Variants in GNPTAB observed in about 807,000 individuals in gnomAD.
GNPTAB encodes the protein N-acetylglucosamine-1-phosphotransferase subunits alpha/beta.
Under a neutral mutation model 136.6 loss-of-function variants are expected in GNPTAB, and 92 were observed. That is an observed-to-expected ratio of 0.67 (90% CI 0.57 to 0.80). The LOEUF (loss-of-function observed/expected upper bound fraction) is 0.80, where lower values mean the gene tolerates loss of function less well. Among genes scored for constraint, GNPTAB ranks in the 30% least tolerant of loss-of-function variants. The pLI, the probability that GNPTAB is intolerant of heterozygous loss-of-function variation, is 0.00. For missense variants in GNPTAB, 1,343 were observed against 1,501.8 expected (o/e 0.89, Z 1.75); for synonymous variants, 512 against 535.1 (o/e 0.96, Z 0.60).
At chr12:101,807,154 C>T (rs1205784744) in intron 1 of GNPTAB, among the ~76,000 whole-genome samples, 1 of 152,200 alleles carries the variant, frequency 6.6e-6, no homozygotes, top group African/African-American at 2.4e-5. Context: ...TAAAATCCTT[C>T]ACATCAACAA....
At chr12:101,760,165 A>T in intron 15 of GNPTAB, 22 bp from the exon 16 acceptor site, 1 of 1,360,694 alleles carries the variant, frequency 7.3e-7, no homozygotes, top group Non-Finnish European at 1.1e-6. Flanking sequence ...AAAGATGATA[A>T]ATCTGTTATG....
intron 2 of GNPTAB, chr12:101,796,414 AT>A (rs1296687038): frequency 7.7e-6 from 5 of 647,194 alleles, no homozygotes; most frequent in Admixed American, 2.3e-5. Context: ...TTTTAAAAAA[AT>A]ATCTTACGGA....
intron 1 of GNPTAB, among the ~76,000 whole-genome samples, chr12:101,799,390 C>T (rs1296874727): frequency 6.6e-6 from 1 of 152,184 alleles, no homozygotes; most frequent in African/African-American, 2.4e-5. Context: ...CAAAGAAAAT[C>T]ATCGATGAGA....
In GNPTAB at chr12:101,765,181, G is replaced by A. The variant is rs1489982100; in HGVS notation, c.1736C>T (p.Ala579Val). The A allele has an allele frequency of 4.3e-6, 7 of 1,614,088 alleles. No individual in the cohort carries two copies. The highest frequency in any genetic ancestry group is 5.9e-6 in the Non-Finnish European group (7 of 1,179,984). Residue 579 changes from alanine (A) to valine (V), a missense_variant, in exon 13 of 21, where the codon GCC becomes GTC. Coordinates refer to ENST00000299314, the MANE Select transcript of GNPTAB (RefSeq NM_024312.5). Reference sequence around the variant, plus strand: ...TCGAATTATTGGATTGTCACTATAGGCACCTTCAACTCCTCTTTTGGCTAC... The same window carrying A: ...TCGAATTATTGGATTGTCACTATAGACACCTTCAACTCCTCTTTTGGCTAC... ...AEVAKRGVEG[A>V]YSDNPIIRHA...
intron 15 of GNPTAB, 92 bp downstream of exon 15, chr12:101,761,035 G>A: frequency 1.1e-6 from 1 of 923,786 alleles, no homozygotes; most frequent in Non-Finnish European, 1.7e-6. Flanking sequence ...GCATCCCAAA[G>A]TGCTGGGATT....
At position 101,761,753 on chromosome 12, in the gene GNPTAB, G is replaced by C. The variant is rs1207898186; in HGVS notation, c.2726C>G (p.Ser909Ter). Reference protein sequence around the residue: ...YFQDLLDEEESLKTQLAYFTD... With the variant: ...YFQDLLDEEE ...GAAGTATGCCAATTGTGTCTTCAAT[G>C]ACTCTTCTTCCTGAAAAGAGAATTC... The change falls in exon 14 of 21, where the codon TCA (serine) becomes TGA (stop). Residue 909 changes from serine to a stop codon, truncating the protein, a stop_gained. Coordinates refer to ENST00000299314, the MANE Select transcript of GNPTAB (RefSeq NM_024312.5). LOFTEE classifies it high-confidence loss of function. 6.2e-7 allele frequency: 1 copy of C among 1,611,196 alleles called. No individual in the cohort carries two copies. The highest frequency in any genetic ancestry group is 1.7e-5 in the Admixed American group (1 of 60,020).
chr12:101,778,289 C>T (rs1953288721), intron 7 of GNPTAB: 1 of 152,108 alleles, frequency 6.6e-6, no homozygotes, highest in African/African-American at 2.4e-5. Flanking sequence ...TGGAATGAAC[C>T]TTCTTTCTTT....
At chr12:101,793,833 T>C (rs186185236) in intron 2 of GNPTAB, among the ~76,000 whole-genome samples, 6 of 152,166 alleles carry the variant, frequency 3.9e-5, no homozygotes, top group Admixed American at 1.3e-4. Flanking sequence ...GTCTTACTTA[T>C]TTATTTATTT....
chr12:101,769,500 G>A (rs1953139733), intron 10 of GNPTAB, among the ~76,000 whole-genome samples: 1 of 152,078 alleles, frequency 6.6e-6, no homozygotes, highest in Non-Finnish European at 1.5e-5. Context: ...TAAGAATGCA[G>A]GAAAGCAAAT....
Position 101,830,640 on chromosome 12 carries a change from G to A in GNPTAB, c.36C>T (p.Thr12=). 1 of 1,611,594 alleles carries A rather than the reference G, an allele frequency of 6.2e-7. No homozygotes were observed. Among genetic ancestry groups the A allele is most frequent in the East Asian group, 2.2e-5 (1 of 44,828 alleles). The change falls in exon 1 of 21, where the codon ACC becomes ACT. Residue 12 remains threonine, a synonymous_variant. Coordinates refer to ENST00000299314, the MANE Select transcript of GNPTAB (RefSeq NM_024312.5). The part of the protein sequence containing the change: ...LFKLLQRQTY[T]CLSHRYGLYV... Reference sequence around the variant, plus strand: ...AGAGCCCATACCTGTGGGACAGGCAGGTATAGGTCTGTCTCTGCAGGAGCT... The same window carrying A: ...AGAGCCCATACCTGTGGGACAGGCAAGTATAGGTCTGTCTCTGCAGGAGCT...
At chr12:101,750,523 C>A (rs1335946306) in intron 19 of GNPTAB, among the ~76,000 whole-genome samples, 1 of 152,208 alleles carries the variant, frequency 6.6e-6, no homozygotes, top group African/African-American at 2.4e-5. Flanking sequence ...ACCATTTGTA[C>A]AGCACAGAAA....
chr12:101,776,564 A>G (rs569697267), intron 7 of GNPTAB, among the ~76,000 whole-genome samples: 1 of 152,396 alleles, frequency 6.6e-6, no homozygotes, highest in South Asian at 2.1e-4. Flanking sequence ...TAATAAAACA[A>G]AAACAAAAAA....
chr12:101,746,169 T>G lies in GNPTAB; in HGVS notation c.*995A>C, dbSNP rs1274530630. On this transcript the variant is annotated 3_prime_UTR_variant, in exon 21 of 21. Coordinates refer to ENST00000299314, the MANE Select transcript of GNPTAB (RefSeq NM_024312.5). ...GGTTTTTACATTTTTAGAGGGTTGT[T>G]TGAAAAAAAACAAACTAAACAACAG... 6.6e-6 allele frequency: 1 copy of G among 152,144 alleles called. No homozygotes were observed. The allele number at this position is 152,144 out of a possible 1,614,324, so 9.4% of individuals were successfully genotyped here.
At chr12:101,796,818 T>C (rs1295935252) in intron 1 of GNPTAB, 56 bp from the exon 2 acceptor site, 1 of 1,114,274 alleles carries the variant, frequency 9.0e-7, no homozygotes, top group East Asian at 2.3e-5. Context: ...AGTATATAAC[T>C]TTCATTTCAT....
intron 11 of GNPTAB, among the ~76,000 whole-genome samples, chr12:101,767,099 T>C (rs1489251605): frequency 3.3e-5 from 5 of 152,216 alleles, no homozygotes; most frequent in Non-Finnish European, 7.4e-5. Context: ...CTGACTGAAA[T>C]ACAACTTGAA....
chr12:101,783,386 A>C (rs1012645500), intron 5 of GNPTAB, among the ~76,000 whole-genome samples: 1 of 152,188 alleles, frequency 6.6e-6, no homozygotes. Flanking sequence ...AGGAAAATAA[A>C]ATGTCCCAAG....
At chr12:101,753,231 C>G in intron 19 of GNPTAB, 141 bp downstream of exon 19, 1 of 709,712 alleles carries the variant, frequency 1.4e-6, no homozygotes, top group Non-Finnish European at 2.3e-6. Flanking sequence ...CCAGCTTGGG[C>G]AACAAGAACA....
At chr12:101,759,056 C>T (rs1457226967) in intron 16 of GNPTAB, among the ~76,000 whole-genome samples, 1 of 152,096 alleles carries the variant, frequency 6.6e-6, no homozygotes, top group Non-Finnish European at 1.5e-5. Context: ...ATTTTCTCCA[C>T]CTAATTTTAT....
chr12:101,769,018 A>G (rs374594462), intron 10 of GNPTAB, among the ~76,000 whole-genome samples: 1 of 152,344 alleles, frequency 6.6e-6, no homozygotes, highest in Admixed American at 6.5e-5. Flanking sequence ...AGACAACTCA[A>G]TAGGGGAACA....
Sources: allele counts gnomAD v4.1 joint callset (sites outside exome capture counted in the v4.1 genomes callset), GRCh38; gene constraint gnomAD v4.1.1; transcripts MANE v1.5; gene names NCBI Gene and HGNC (gene_info 2026-07-23, HGNC 2026-07-21).